BCL2L13: variants seen among roughly 807,000 people sequenced by gnomAD.
BCL2L13 encodes bcl-2-like protein 13.
In BCL2L13, 13 loss-of-function variants were observed where a neutral mutation model predicts 25.8. The observed-to-expected ratio is 0.50, with a 90% confidence interval of 0.33 to 0.80. The LOEUF is 0.80. Among genes scored for constraint, BCL2L13 ranks in the 30% least tolerant of loss-of-function variants. The probability of loss-of-function intolerance (pLI) is 0.02; values close to 1 mark genes in which losing one functional copy is unlikely to be tolerated. For synonymous variants in BCL2L13, 244 were observed against 230.3 expected, an observed-to-expected ratio of 1.06 and a Z score of -0.54; for missense variants, 504 against 574.9, an observed-to-expected ratio of 0.88 and a Z score of 1.26.
At chr22:17,639,461 T>G (rs1337501455) in intron 1 of BCL2L13, among the ~76,000 whole-genome samples, 1 of 152,202 alleles carries the variant, frequency 6.6e-6, no homozygotes, top group Non-Finnish European at 1.5e-5. Flanking sequence ...CCCCTTTGAT[T>G]TATCCTCCCA....
rs1220744427 is a variant in BCL2L13, at chr22:17,727,539, C to A, written c.*5C>A. 2.5e-6 allele frequency: 4 copies of A among 1,613,062 alleles called. No individual in the cohort carries two copies. The highest frequency in any genetic ancestry group is 3.4e-6 in the Non-Finnish European group (4 of 1,179,418). On this transcript the variant is annotated 3_prime_UTR_variant, in exon 7 of 7. Coordinates refer to ENST00000317582, the MANE Select transcript of BCL2L13 (RefSeq NM_015367.4). ...CTGGCTCTGAGAAAGAAATAGGAGG[C>A]TTTTCAGAAGAGAAAGACAGAAGGA...
At chr22:17,687,763 C>G (rs904497933) in intron 3 of BCL2L13, among the ~76,000 whole-genome samples, 1 of 151,368 alleles carries the variant, frequency 6.6e-6, no homozygotes, top group Admixed American at 6.6e-5. Flanking sequence ...GTGATCTGCC[C>G]GCTTCAGCCT....
chr22:17,635,898 A>T (rs563896489), upstream of BCL2L13, among the ~76,000 whole-genome samples: 23 of 151,658 alleles, frequency 1.5e-4, no homozygotes, highest in Admixed American at 1.2e-3. Context: ...TTTAGTAGAG[A>T]CGGGGTTTCA....
rs548247608 is a variant in BCL2L13, at chr22:17,659,818, C to T, written c.121+3986C>T. On this transcript the variant is annotated intron_variant, in intron 2 of 6. Coordinates refer to ENST00000317582, the MANE Select transcript of BCL2L13 (RefSeq NM_015367.4). ...ATGAAAATTAAAATCCCTTAGATAT[C>T]TTCATTTATACAAACATTTAATTTA... is the stretch of plus-strand genomic sequence containing the variant. Among the ~76,000 whole-genome samples the T allele has an allele frequency of 3.1e-4, 45 of 146,202 alleles. 1 individual carries two copies. Among genetic ancestry groups the T allele is most frequent in the African/African-American group, 1.0e-3 (42 of 41,204 alleles).
chr22:17,706,584 G>A lies in BCL2L13; in HGVS notation c.600+4198G>A, dbSNP rs115139453. The A allele has an allele frequency of 3.9e-3, 3,341 of 866,866 alleles. 90 individuals carry two copies. In the African/African-American group the frequency reaches 0.053, roughly 14 times the overall value. The allele number at this position is 866,866 out of a possible 1,614,324, so 53.7% of individuals were successfully genotyped here. ...TTTTACAAATGCCAGGTTTTCACATGCGTCTCTGAAGAGTGTGGTTTTTTT... is the reference window on the plus strand; with the variant it reads ...TTTTACAAATGCCAGGTTTTCACATACGTCTCTGAAGAGTGTGGTTTTTTT... On this transcript the variant is annotated intron_variant, in intron 6 of 6. Coordinates refer to ENST00000317582, the MANE Select transcript of BCL2L13 (RefSeq NM_015367.4).
chr22:17,654,100 C>G (rs1736696223), intron 1 of BCL2L13, among the ~76,000 whole-genome samples: 2 of 151,998 alleles, frequency 1.3e-5, no homozygotes, highest in Admixed American at 1.3e-4. Context: ...ACTTTATCTT[C>G]TATTTCTTTT....
intron 2 of BCL2L13, among the ~76,000 whole-genome samples, chr22:17,679,264 C>CTTTTTTTT (rs3044588): frequency 7.9e-5 from 6 of 76,134 alleles, no homozygotes; most frequent in African/African-American, 1.1e-4. Flanking sequence ...TGGTTTGGCT[C>CTTTTTTTT]TTTTTTTTTT....
chr22:17,649,095 G>T (rs932392252), intron 1 of BCL2L13, among the ~76,000 whole-genome samples: 1 of 151,542 alleles, frequency 6.6e-6, no homozygotes, highest in Non-Finnish European at 1.5e-5. Context: ...ACTTGTGCCC[G>T]GCTCAATTTT....
intron 1 of BCL2L13, among the ~76,000 whole-genome samples, chr22:17,654,969 C>T (rs1463157442): frequency 1.3e-5 from 2 of 152,136 alleles, no homozygotes; most frequent in Non-Finnish European, 2.9e-5. Flanking sequence ...AGCAGTCCTC[C>T]CACCTCGGCC....
At chr22:17,655,863 A>C in intron 2 of BCL2L13, 31 bp downstream of exon 2, 1 of 1,585,944 alleles carries the variant, frequency 6.3e-7, no homozygotes, top group East Asian at 2.2e-5. Flanking sequence ...TGGTTATAGT[A>C]AATTGTAATA....
chr22:17,676,723 C>T (rs750399854), intron 2 of BCL2L13, among the ~76,000 whole-genome samples: 10 of 152,150 alleles, frequency 6.6e-5, no homozygotes, highest in Non-Finnish European at 1.3e-4. Flanking sequence ...TTAATCAGTG[C>T]TGTTGCAGAG....
intron 3 of BCL2L13, among the ~76,000 whole-genome samples, chr22:17,686,761 G>A (rs181471867): frequency 5.1e-4 from 77 of 151,922 alleles, no homozygotes; most frequent in African/African-American, 1.6e-3. Flanking sequence ...TACCCGCCTC[G>A]GCCTCCCAAA....
intron 3 of BCL2L13, among the ~76,000 whole-genome samples, chr22:17,685,473 C>A (rs1482223629): frequency 6.6e-6 from 1 of 152,088 alleles, no homozygotes; most frequent in Non-Finnish European, 1.5e-5. Context: ...ATCCACCTGT[C>A]TCGGCCTCCC....
chr22:17,651,515 G>C (rs1375455352), intron 1 of BCL2L13, among the ~76,000 whole-genome samples: 1 of 150,938 alleles, frequency 6.6e-6, no homozygotes, highest in Non-Finnish European at 1.5e-5. Context: ...CCGAGTAGCT[G>C]GGATTACAGG....
At chr22:17,687,215 A>G (rs1217557693) in intron 3 of BCL2L13, among the ~76,000 whole-genome samples, 2 of 152,256 alleles carry the variant, frequency 1.3e-5, no homozygotes, top group South Asian at 2.1e-4. Context: ...GATGCCTTGC[A>G]TCGCATTTGT....
chr22:17,667,247 C>T (rs1428024522), intron 2 of BCL2L13, among the ~76,000 whole-genome samples: 1 of 152,172 alleles, frequency 6.6e-6, no homozygotes, highest in East Asian at 1.9e-4. Context: ...TCTTGGCTCA[C>T]TGCAACCTAC....
intron 6 of BCL2L13, among the ~76,000 whole-genome samples, chr22:17,709,610 A>G (rs2060688896): frequency 6.6e-6 from 1 of 151,956 alleles, no homozygotes; most frequent in African/African-American, 2.4e-5. Flanking sequence ...AAGATAAATA[A>G]ATAAATGAAA....
At chr22:17,704,286 A>G (rs892550857) in intron 6 of BCL2L13, among the ~76,000 whole-genome samples, 1 of 151,976 alleles carries the variant, frequency 6.6e-6, no homozygotes, top group Non-Finnish European at 1.5e-5. Flanking sequence ...GGGCTTCGCC[A>G]TGTTGGCAGG....
chr22:17,639,442 G>T (rs1177939702), intron 1 of BCL2L13, among the ~76,000 whole-genome samples: 1 of 152,208 alleles, frequency 6.6e-6, no homozygotes, highest in Non-Finnish European at 1.5e-5. Flanking sequence ...TTCACACGGA[G>T]TCATTTTCCC....
Sources: gnomAD v4.1 joint callset for allele counts (sites outside exome capture counted in the v4.1 genomes callset) on GRCh38, gnomAD v4.1.1 for gene constraint, MANE v1.5 for transcripts, NCBI Gene and HGNC (gene_info 2026-07-23, HGNC 2026-07-21) for gene names.